Variants in TMEM132B observed in about 807,000 individuals in gnomAD.
TMEM132B encodes transmembrane protein 132B.
A neutral mutation model predicts 90.8 loss-of-function variants in TMEM132B; 18 were observed. That is an observed-to-expected ratio of 0.20 (90% CI 0.14 to 0.29). The LOEUF is 0.29. Ranked by LOEUF, TMEM132B falls within the 10% of genes least tolerant of loss-of-function variation. The pLI is 1.00. For missense variants in TMEM132B, 1,096 were observed against 1,326.8 expected, an observed-to-expected ratio of 0.83 and a Z score of 2.70; for synonymous variants, 504 against 523.3, an observed-to-expected ratio of 0.96 and a Z score of 0.50.
intron 4 of TMEM132B, among the ~76,000 whole-genome samples, chr12:125,556,573 C>T (rs536169227): frequency 1.3e-5 from 2 of 152,254 alleles, no homozygotes; most frequent in African/African-American, 4.8e-5. Flanking sequence ...TTTGAGAAAA[C>T]CAGTTCCGTA....
intron 3 of TMEM132B, among the ~76,000 whole-genome samples, chr12:125,433,593 A>T (rs1880607924): frequency 6.7e-6 from 1 of 150,338 alleles, no homozygotes; most frequent in Admixed American, 6.6e-5. Flanking sequence ...ATATGTATAC[A>T]TGTGCCATGC....
chr12:125,353,811 A>G (rs747084626), intron 2 of TMEM132B, among the ~76,000 whole-genome samples: 6 of 152,214 alleles, frequency 3.9e-5, no homozygotes, highest in Non-Finnish European at 7.3e-5. Flanking sequence ...GAGGAGATTC[A>G]TTTAGGGATG....
chr12:125,394,520 G>C (rs1314771548), intron 2 of TMEM132B, among the ~76,000 whole-genome samples: 1 of 152,190 alleles, frequency 6.6e-6, no homozygotes, highest in Non-Finnish European at 1.5e-5. Context: ...TGATCTGTAG[G>C]TTTCTGGTTT....
At chr12:125,593,909 G>T (rs974303533) in intron 5 of TMEM132B, among the ~76,000 whole-genome samples, 3 of 152,152 alleles carry the variant, frequency 2.0e-5, no homozygotes, top group African/African-American at 4.8e-5. Flanking sequence ...CTTTATAGAG[G>T]TGTAACAGTC....
intron 2 of TMEM132B, among the ~76,000 whole-genome samples, chr12:125,398,297 G>A (rs1879221099): frequency 1.3e-5 from 2 of 152,258 alleles, no homozygotes; most frequent in Admixed American, 6.5e-5. Context: ...TTTTATATAT[G>A]TGCCTTCTAG....
At chr12:125,466,473 A>G (rs914580396) in intron 3 of TMEM132B, among the ~76,000 whole-genome samples, 1 of 152,210 alleles carries the variant, frequency 6.6e-6, no homozygotes, top group African/African-American at 2.4e-5. Flanking sequence ...ATGGATTTCT[A>G]TGTGCCCCTC....
intron 3 of TMEM132B, among the ~76,000 whole-genome samples, chr12:125,519,184 C>T (rs996217077): frequency 2.0e-5 from 3 of 152,106 alleles, no homozygotes; most frequent in South Asian, 2.1e-4. Context: ...AAATGCTGAC[C>T]GAGTTACTCA....
intron 1 of TMEM132B, among the ~76,000 whole-genome samples, chr12:125,289,067 T>TA (rs1875458457): frequency 6.6e-6 from 1 of 152,286 alleles, no homozygotes; most frequent in East Asian, 1.9e-4. Flanking sequence ...TACCTATTCT[T>TA]AAGAGAATTT....
chr12:125,628,772 A>G (rs1043649784), intron 5 of TMEM132B, among the ~76,000 whole-genome samples: 2 of 152,156 alleles, frequency 1.3e-5, no homozygotes, highest in Non-Finnish European at 2.9e-5. Flanking sequence ...CAGTAGTTTC[A>G]TAGTTTGAGG....
At chr12:125,559,511 G>A (rs1884468270) in intron 4 of TMEM132B, among the ~76,000 whole-genome samples, 1 of 152,198 alleles carries the variant, frequency 6.6e-6, no homozygotes, top group Non-Finnish European at 1.5e-5. Flanking sequence ...GAAGATGCGA[G>A]TTCCTGCCCT....
At chr12:125,231,392 A>G (rs149787667) in intron 1 of TMEM132B, among the ~76,000 whole-genome samples, 201 of 152,216 alleles carry the variant, frequency 1.3e-3, no homozygotes, top group African/African-American at 4.2e-3. Context: ...CCACTGTTCA[A>G]CCTACTGCAT....
chr12:125,601,635 A>G (rs1305958246), intron 5 of TMEM132B, among the ~76,000 whole-genome samples: 3 of 152,216 alleles, frequency 2.0e-5, no homozygotes, highest in African/African-American at 7.2e-5. Flanking sequence ...TGAAGGAGAT[A>G]GAGACATGAA....
chr12:125,514,814 C>A (rs1380849384), intron 3 of TMEM132B, among the ~76,000 whole-genome samples: 1 of 152,150 alleles, frequency 6.6e-6, no homozygotes, highest in Non-Finnish European at 1.5e-5. Flanking sequence ...GGAACAGCCG[C>A]ATGTGGTCCT....
At chr12:125,290,125 C>A (rs936267897) in intron 1 of TMEM132B, among the ~76,000 whole-genome samples, 3 of 152,136 alleles carry the variant, frequency 2.0e-5, no homozygotes, top group Non-Finnish European at 4.4e-5. Flanking sequence ...AAAACTGGAA[C>A]AAAATGAAAG....
chr12:125,348,043 A>T (rs1877418457), intron 1 of TMEM132B, among the ~76,000 whole-genome samples: 1 of 152,220 alleles, frequency 6.6e-6, no homozygotes, highest in Non-Finnish European at 1.5e-5. Context: ...TTACATATAC[A>T]TATGTAGAAT....
chr12:125,610,285 G>A (rs1001647895), intron 5 of TMEM132B, among the ~76,000 whole-genome samples: 3 of 152,058 alleles, frequency 2.0e-5, no homozygotes, highest in Non-Finnish European at 4.4e-5. Flanking sequence ...AATAGAAATG[G>A]TGAGAGAAGA....
At chr12:125,291,141 G>A (rs1170690800) in intron 1 of TMEM132B, among the ~76,000 whole-genome samples, 1 of 152,166 alleles carries the variant, frequency 6.6e-6, no homozygotes, top group African/African-American at 2.4e-5. Flanking sequence ...GTGCCTTTAT[G>A]AGAAGAGGTT....
intron 4 of TMEM132B, among the ~76,000 whole-genome samples, chr12:125,565,115 C>T (rs978800421): frequency 5.9e-5 from 9 of 152,198 alleles, no homozygotes; most frequent in African/African-American, 2.2e-4. Context: ...GTTGTGATCA[C>T]CCTCTACAGA....
At chr12:125,601,740 A>G (rs981447596) in intron 5 of TMEM132B, among the ~76,000 whole-genome samples, 1 of 152,192 alleles carries the variant, frequency 6.6e-6, no homozygotes, top group Non-Finnish European at 1.5e-5. Context: ...AAGAAAAGAG[A>G]GAAGAATCAA....
Sources: allele counts gnomAD v4.1 joint callset (sites outside exome capture counted in the v4.1 genomes callset), GRCh38; gene constraint gnomAD v4.1.1; transcripts MANE v1.5; gene names NCBI Gene and HGNC (gene_info 2026-07-23, HGNC 2026-07-21).